Variants in LANCL1 observed in about 807,000 individuals in gnomAD.
LANCL1 encodes the protein LanC like glutathione S-transferase 1, also known as glutathione S-transferase LANCL1.
LANCL1 carries 50 observed loss-of-function variants against 50.6 expected under a neutral mutation model. That is an observed-to-expected ratio of 0.99 (90% CI 0.79 to 1.25). LANCL1 has a LOEUF of 1.25. Among genes scored for constraint, LANCL1 ranks in the 50% most tolerant of loss-of-function variants. The pLI, the probability that LANCL1 is intolerant of heterozygous loss-of-function variation, is 0.00. For missense variants in LANCL1, 532 were observed against 480.7 expected, an observed-to-expected ratio of 1.11 and a Z score of -1.00; for synonymous variants, 188 against 178.6, an observed-to-expected ratio of 1.05 and a Z score of -0.42.
chr2:210,466,558 T>C (rs539147090), intron 3 of LANCL1, among the ~76,000 whole-genome samples: 4 of 152,204 alleles, frequency 2.6e-5, no homozygotes, highest in Non-Finnish European at 4.4e-5. Context: ...CCCTATGGTA[T>C]GTAAGCCCTG....
chr2:210,459,995 A>T (rs1693798234), intron 3 of LANCL1, among the ~76,000 whole-genome samples: 1 of 152,156 alleles, frequency 6.6e-6, no homozygotes, highest in Non-Finnish European at 1.5e-5. Flanking sequence ...AATTAATACT[A>T]AGCCTTTGAA....
At chr2:210,451,821 A>G (rs1190102535) in intron 4 of LANCL1, among the ~76,000 whole-genome samples, 1 of 152,234 alleles carries the variant, frequency 6.6e-6, no homozygotes, top group African/African-American at 2.4e-5. Flanking sequence ...GAAATGTGGT[A>G]TATACATATA....
At position 210,460,794 on chromosome 2, in the gene LANCL1, G is replaced by T. The variant is rs141152424; in HGVS notation, c.200-5480C>A. ...CTCCAGTGCTTTCACAGATGATCTG[G>T]GGAGGAAACTAGTGACTCCACACCT... On this transcript the variant is annotated intron_variant, in intron 3 of 9. Transcript: ENST00000450366. 49 of 152,226 alleles carry T rather than the reference G, an allele frequency of 3.2e-4. No homozygotes were observed. In the East Asian group the frequency reaches 9.5e-3, roughly 29 times the overall value. The allele number at this position is 152,226 out of a possible 1,614,324, so 9.4% of individuals were successfully genotyped here.
chr2:210,444,070 T>C (rs1179496505), intron 4 of LANCL1, among the ~76,000 whole-genome samples: 1 of 152,156 alleles, frequency 6.6e-6, no homozygotes, highest in East Asian at 1.9e-4. Flanking sequence ...CCTAAAGTGT[T>C]TGCACAGTTG....
chr2:210,438,582 C>T (rs368458394), intron 6 of LANCL1, among the ~76,000 whole-genome samples: 3 of 152,152 alleles, frequency 2.0e-5, no homozygotes, highest in Admixed American at 6.5e-5. Context: ...AAGAGATGCA[C>T]TGGACAAACC....
rs763940101 is a variant in LANCL1 at position 210,436,281 on chromosome 2, C to A, written c.985G>T (p.Ala329Ser). Residue 329 changes from alanine to serine, a missense_variant, in exon 8 of 10, where the codon GCC (alanine) becomes TCC (serine). Physicochemically the swap from Ala to Ser is moderately conservative, Grantham distance 99. Coordinates refer to ENST00000450366, the MANE Select transcript of LANCL1 (RefSeq NM_006055.3). ...TTGTAGAGTGTCAGGAAGGCATAGG[C>A]ATTCCCTGCAGAACCGTGGCACAGC... ...YGLCHGSAGN[A>S]YAFLTLYNLT... 5.0e-6 allele frequency: 8 copies of A among 1,614,062 alleles called. No homozygotes were observed. Among genetic ancestry groups the A allele is most frequent in the Admixed American group, 1.7e-5 (1 of 59,998 alleles).
chr2:210,452,802 T>C (rs1047432542), intron 4 of LANCL1, among the ~76,000 whole-genome samples: 1 of 151,872 alleles, frequency 6.6e-6, no homozygotes, highest in South Asian at 2.1e-4. Context: ...ATTAAGAAAA[T>C]GTAGAAAAAG....
chr2:210,477,367 G>A, upstream of LANCL1: 1 of 306,528 alleles, frequency 3.3e-6, no homozygotes, highest in Non-Finnish European at 5.0e-6. Context: ...CAACACAGCA[G>A]GAGATCCACA....
intron 2 of LANCL1, among the ~76,000 whole-genome samples, chr2:210,474,820 T>C (rs1470967508): frequency 6.6e-6 from 1 of 152,170 alleles, no homozygotes; most frequent in East Asian, 1.9e-4. Context: ...TACATTTTAT[T>C]GAAGGTTTCT....
chr2:210,453,948 C>T (rs1693585052), intron 4 of LANCL1, among the ~76,000 whole-genome samples: 1 of 151,912 alleles, frequency 6.6e-6, no homozygotes, highest in Non-Finnish European at 1.5e-5. Flanking sequence ...AGTTTTTTTC[C>T]TCTAGACACA....
In LANCL1 at chr2:210,476,381, A is replaced by C; in HGVS notation, c.16T>G (p.Phe6Val). The C allele has an allele frequency of 6.2e-7, 1 of 1,613,998 alleles. No individual in the cohort carries two copies. Among genetic ancestry groups the C allele is most frequent in the Non-Finnish European group, 8.5e-7 (1 of 1,179,994 alleles). Residue 6 changes from phenylalanine to valine, a missense_variant, in exon 2 of 10, where the codon TTC becomes GTC. Transcript: ENST00000450366. ...TTATAATCAGCATAAGGATTCGGGAAGGCCCTTTGAGCCATGACGCCGGAA... is the reference window on the plus strand; with the variant it reads ...TTATAATCAGCATAAGGATTCGGGACGGCCCTTTGAGCCATGACGCCGGAA... MAQRA[F>V]PNPYADYNKS... is the part of the protein sequence containing the mutation.
intron 6 of LANCL1, among the ~76,000 whole-genome samples, chr2:210,439,579 A>G (rs1351419544): frequency 1.3e-5 from 2 of 152,258 alleles, no homozygotes; most frequent in African/African-American, 4.8e-5. Flanking sequence ...CTAAATGTCA[A>G]CATCCTAATT....
intron 2 of LANCL1, among the ~76,000 whole-genome samples, chr2:210,474,635 AGAG>A (rs1322532036): frequency 3.9e-5 from 6 of 151,964 alleles, no homozygotes; most frequent in Admixed American, 2.6e-4. Flanking sequence ...CTGGGGCATG[AGAG>A]TCACTTGGGC....
intron 6 of LANCL1, among the ~76,000 whole-genome samples, chr2:210,438,582 C>G (rs368458394): frequency 1.3e-5 from 2 of 152,270 alleles, no homozygotes; most frequent in African/African-American, 4.8e-5. Context: ...AAGAGATGCA[C>G]TGGACAAACC....
In LANCL1 at chr2:210,435,475, A is replaced by G; in HGVS notation, c.1051-16T>C. 1.2e-6 allele frequency: 2 copies of G among 1,600,604 alleles called. No homozygotes were observed. The highest frequency in any genetic ancestry group is 1.7e-6 in the Non-Finnish European group (2 of 1,167,920). On this transcript the variant is annotated splice_polypyrimidine_tract_variant and intron_variant, in intron 8 of 9. Coordinates refer to ENST00000450366, the MANE Select transcript of LANCL1 (RefSeq NM_006055.3). The stretch of plus-strand genomic sequence containing the variant: ...ATTCAGCAAACTGAAAATGAGACCA[A>G]GTTAAATTAGTATAGTGATTTCTTC...
At chr2:210,449,391 A>G (rs1191547179) in intron 4 of LANCL1, among the ~76,000 whole-genome samples, 1 of 152,224 alleles carries the variant, frequency 6.6e-6, no homozygotes, top group Non-Finnish European at 1.5e-5. Context: ...CCCACAGCCA[A>G]TATCATACTG....
intron 4 of LANCL1, among the ~76,000 whole-genome samples, chr2:210,449,228 A>T (rs1693438058): frequency 6.6e-6 from 1 of 152,248 alleles, no homozygotes; most frequent in African/African-American, 2.4e-5. Context: ...AATCCGTCAC[A>T]TAAACAGAAC....
intron 4 of LANCL1, among the ~76,000 whole-genome samples, chr2:210,445,829 T>C (rs535626160): frequency 6.6e-6 from 1 of 152,288 alleles, no homozygotes; most frequent in East Asian, 1.9e-4. Flanking sequence ...TCTGTTCCTC[T>C]CCTCACAGTA....
chr2:210,466,943 CA>C (rs35109214), intron 3 of LANCL1, among the ~76,000 whole-genome samples: 35 of 149,616 alleles, frequency 2.3e-4, no homozygotes, highest in African/African-American at 6.1e-4. Context: ...GTGGATATGG[CA>C]AAAAAAAAGG....
Sources: gnomAD v4.1 joint callset for allele counts (sites outside exome capture counted in the v4.1 genomes callset) on GRCh38, gnomAD v4.1.1 for gene constraint, MANE v1.5 for transcripts, NCBI Gene and HGNC (gene_info 2026-07-23, HGNC 2026-07-21) for gene names.